Variants in LAMA3 observed in about 807,000 individuals in gnomAD.
LAMA3 encodes laminin subunit alpha-3.
LAMA3 carries 281 observed loss-of-function variants against 402.0 expected under a neutral mutation model. The observed-to-expected ratio is 0.70, with a 90% CI of 0.63 to 0.77. The LOEUF is 0.77. Among genes scored for constraint, LAMA3 ranks in the 30% least tolerant of loss-of-function variants. The pLI is 0.00. For missense variants in LAMA3, 3,840 were observed against 4,215.5 expected (o/e 0.91, Z 2.47); for synonymous variants, 1,431 against 1,558.4 (o/e 0.92, Z 1.93).
intron 48 of LAMA3, 55 bp from the exon 49 acceptor site, chr18:23,902,954 A>G (rs149030843): frequency 3.0e-6 from 3 of 988,228 alleles, no homozygotes; most frequent in African/African-American, 1.6e-5. Context: ...AAATTTGTCT[A>G]TGCCTTCTGA....
Position 23,905,510 on chromosome 18 carries a change from C to T in LAMA3, c.6616-12C>T. ...AGCATTTGTTTAAGGCTGTTAAATG[C>T]TTTGCTTTCAGACAGTGATAAAGGA... On this transcript the variant is annotated splice_polypyrimidine_tract_variant and intron_variant, in intron 51 of 74. Coordinates refer to ENST00000313654, the MANE Select transcript of LAMA3 (RefSeq NM_198129.4). 1 of 1,485,028 alleles carries T rather than the reference C, an allele frequency of 6.7e-7. No individual in the cohort carries two copies. Among genetic ancestry groups the T allele is most frequent in the Non-Finnish European group, 9.4e-7 (1 of 1,063,660 alleles). The allele number at this position is 1,485,028 out of a possible 1,614,324, so 92.0% of individuals were successfully genotyped here. A position where few individuals can be genotyped will look rare whatever the true frequency, so the allele number is the denominator to read the frequency against.
In LAMA3 at chr18:23,758,541, C is replaced by A. The variant is rs757801044; in HGVS notation, c.1063+30C>A. Reference sequence around the variant, plus strand: ...GTGTGGGGATGGGGTGGGGGCCACACGTGGCCTTCTCCCCCCTCTCCCTGG... The same window carrying A: ...GTGTGGGGATGGGGTGGGGGCCACAAGTGGCCTTCTCCCCCCTCTCCCTGG... On this transcript the variant is annotated intron_variant, in intron 7 of 74. Transcript: ENST00000313654. The A allele has an allele frequency of 3.5e-6, 5 of 1,427,198 alleles. No homozygotes were observed. In the East Asian group the frequency reaches 7.4e-5, roughly 21 times the overall value. The allele number at this position is 1,427,198 out of a possible 1,614,324, so 88.4% of individuals were successfully genotyped here.
At chr18:23,807,679 T>A (rs78494204) in intron 12 of LAMA3, among the ~76,000 whole-genome samples, 26 of 152,288 alleles carry the variant, frequency 1.7e-4, no homozygotes, top group Non-Finnish European at 3.8e-4. Context: ...TTGGTGGACA[T>A]CTGTCTTTTT....
At chr18:23,758,910 G>T (rs1407839571) in intron 7 of LAMA3, among the ~76,000 whole-genome samples, 1 of 152,216 alleles carries the variant, frequency 6.6e-6, no homozygotes, top group Non-Finnish European at 1.5e-5. Flanking sequence ...GTCTAAACAG[G>T]GAGCTGGGAG....
intron 35 of LAMA3, among the ~76,000 whole-genome samples, chr18:23,862,144 T>C (rs1356014053): frequency 1.3e-5 from 2 of 152,260 alleles, no homozygotes; most frequent in Non-Finnish European, 2.9e-5. Context: ...TGCTTTTAAA[T>C]GCCAATGCTG....
chr18:23,792,766 G>A (rs1164584033), intron 12 of LAMA3, among the ~76,000 whole-genome samples: 2 of 152,218 alleles, frequency 1.3e-5, no homozygotes, highest in Non-Finnish European at 1.5e-5. Flanking sequence ...ACTGGGGCAA[G>A]GGATGTGTAG....
intron 41 of LAMA3, among the ~76,000 whole-genome samples, chr18:23,887,978 A>G (rs2080497321): frequency 1.3e-5 from 2 of 152,270 alleles, no homozygotes; most frequent in Admixed American, 6.5e-5. Flanking sequence ...AAGAGTAAGG[A>G]AGAAGTAGAA....
intron 7 of LAMA3, among the ~76,000 whole-genome samples, chr18:23,759,909 C>T (rs553468633): frequency 3.5e-4 from 54 of 152,296 alleles, no homozygotes; most frequent in Middle Eastern, 3.4e-3. Context: ...TTTATAGTCA[C>T]AGCTAATCGG....
At position 23,820,017 on chromosome 18, in the gene LAMA3, C is replaced by G. The variant is rs1206308483; in HGVS notation, c.2304+20C>G. The stretch of plus-strand genomic sequence containing the variant: ...GTACAGGTACGCAACCCGAAGAGAG[C>G]AGCTTCATGGCTGAGTAGCTCAGAT... On this transcript the variant is annotated intron_variant, in intron 19 of 74. Transcript: ENST00000313654. 6.2e-7 allele frequency: 1 copy of G among 1,613,344 alleles called. No individual in the cohort carries two copies. Among genetic ancestry groups the G allele is most frequent in the African/African-American group, 1.3e-5 (1 of 74,882 alleles).
intron 2 of LAMA3, among the ~76,000 whole-genome samples, chr18:23,724,035 C>T (rs2061256710): frequency 6.6e-6 from 1 of 152,122 alleles, no homozygotes; most frequent in South Asian, 2.1e-4. Context: ...ATCCCCCTCC[C>T]ACCCTTTAAC....
chr18:23,855,707 G>A (rs1320788269), intron 32 of LAMA3, among the ~76,000 whole-genome samples: 1 of 152,078 alleles, frequency 6.6e-6, no homozygotes, highest in African/African-American at 2.4e-5. Context: ...AAGCGTCTCC[G>A]ATCCTCTCCC....
At chr18:23,908,612 G>A (rs72873086) in intron 54 of LAMA3, among the ~76,000 whole-genome samples, 187 of 150,828 alleles carry the variant, frequency 1.2e-3, no homozygotes, top group Non-Finnish European at 2.4e-3. Context: ...TTCTGTAGTG[G>A]TCAAAGTAAA....
In LAMA3 at chr18:23,932,291, G is replaced by T. The variant is rs1474233709; in HGVS notation, c.8708G>T (p.Arg2903Met). The T allele has an allele frequency of 6.2e-7, 1 of 1,613,848 alleles. No individual in the cohort carries two copies. The highest frequency in any genetic ancestry group is 2.2e-5 in the East Asian group (1 of 44,868). Residue 2903 changes from arginine (R) to methionine (M), a missense_variant and splice_region_variant, in exon 66 of 75, where the codon AGG becomes ATG. Around this residue, in one of 3 missense-constraint regions of LAMA3, gnomAD observed 840 missense variants for 981.9 expected, o/e 0.86. Transcript: ENST00000313654. ...TGTATTAGCAATGTTTTTGTCCAGA[G>T]GTAGGTGATCCTCTCTTTGTGGGTA... ...EGCISNVFVQ[R>M]LSLSPEVLDL...
intron 67 of LAMA3, among the ~76,000 whole-genome samples, chr18:23,936,744 C>T (rs1423469196): frequency 6.6e-6 from 1 of 152,092 alleles, no homozygotes; most frequent in Non-Finnish European, 1.5e-5. Flanking sequence ...ACACAAGATT[C>T]AAACTTAAGC....
chr18:23,828,311 G>T lies in LAMA3; in HGVS notation c.2823+844G>T, dbSNP rs1374573316. Among the ~76,000 whole-genome samples the T allele has an allele frequency of 4.6e-5, 7 of 152,020 alleles. No individual in the cohort carries two copies. The East Asian group carries it at 1.3e-3, about 29-fold the overall frequency. Reference sequence around the variant, plus strand: ...AACATTTTGAAGGTAGCAGTTAAAGGTTTTTAAGTATATTTCTTAAGTAAA... The same window carrying T: ...AACATTTTGAAGGTAGCAGTTAAAGTTTTTTAAGTATATTTCTTAAGTAAA... On this transcript the variant is annotated intron_variant, in intron 23 of 74. Transcript: ENST00000313654.
At chr18:23,942,274 C>A (rs1315816255) in intron 68 of LAMA3, among the ~76,000 whole-genome samples, 1 of 152,164 alleles carries the variant, frequency 6.6e-6, no homozygotes, top group Non-Finnish European at 1.5e-5. Context: ...CTGCTTAAGA[C>A]GTTAGCCACA....
chr18:23,904,227 C>T, intron 50 of LAMA3, 140 bp downstream of exon 50: 1 of 938,396 alleles, frequency 1.1e-6, no homozygotes, highest in Non-Finnish European at 1.7e-6. Context: ...AGGCCAATGC[C>T]CCAGGCCCAA....
In LAMA3 at chr18:23,839,642, C is replaced by T; in HGVS notation, c.3192-143C>T. ...GCATGAGTATCATTATATAAAGATC[C>T]CTAGAGTTCTGTGCTTCCCCCAGCA... On this transcript the variant is annotated intron_variant, in intron 26 of 74. Coordinates refer to ENST00000313654, the MANE Select transcript of LAMA3 (RefSeq NM_198129.4). The surrounding 1 kb of genome is among the most constrained non-coding windows in gnomAD (Gnocchi z 4.5). The T allele has an allele frequency of 1.3e-6, 1 of 788,922 alleles. No homozygotes were observed. Among genetic ancestry groups the T allele is most frequent in the Non-Finnish European group, 2.1e-6 (1 of 466,294 alleles). 48.9% of individuals were successfully genotyped at this position (788,922 alleles called of 1,614,324 possible). A position where few individuals can be genotyped will look rare whatever the true frequency, so the allele number is the denominator to read the frequency against.
intron 1 of LAMA3, among the ~76,000 whole-genome samples, chr18:23,700,895 G>A (rs1001584870): frequency 1.4e-4 from 22 of 151,826 alleles, no homozygotes; most frequent in African/African-American, 3.9e-4. Context: ...TTGGTGTTTC[G>A]CCATGTTGCC....
Sources: gnomAD v4.1 joint callset for allele counts (sites outside exome capture counted in the v4.1 genomes callset) on GRCh38, gnomAD v4.1.1 for gene constraint, gnomAD v4.1.1 regional missense constraint, Gnocchi (gnomAD v3.1) non-coding constraint, MANE v1.5 for transcripts, NCBI Gene and HGNC (gene_info 2026-07-23, HGNC 2026-07-21) for gene names.